MLLT10: variants seen among roughly 807,000 people sequenced by gnomAD.
MLLT10 encodes protein AF-10.
A neutral mutation model predicts 129.1 loss-of-function variants in MLLT10; 30 were observed. The observed-to-expected ratio is 0.23, with a 90% CI of 0.17 to 0.32. The LOEUF is 0.32. Ranked by LOEUF, MLLT10 falls within the 10% of genes least tolerant of loss-of-function variation. MLLT10 has a pLI of 1.00. For missense variants in MLLT10, 1,119 were observed against 1,268.3 expected (o/e 0.88, Z 1.79); for synonymous variants, 490 against 446.4 (o/e 1.10, Z -1.23).
At chr10:21,615,638 C>T (rs2045177217) in intron 7 of MLLT10, among the ~76,000 whole-genome samples, 1 of 151,990 alleles carries the variant, frequency 6.6e-6, no homozygotes, top group Admixed American at 6.6e-5. Context: ...TCATTTTCTG[C>T]TTAATTACTA....
At chr10:21,670,253 T>C (rs928514955) in intron 9 of MLLT10, among the ~76,000 whole-genome samples, 196 bp from the exon 10 acceptor site, 1 of 152,160 alleles carries the variant, frequency 6.6e-6, no homozygotes, top group African/African-American at 2.4e-5. Context: ...CTTTTTCTTT[T>C]CTTTTCTTTT....
chr10:21,591,692 T>C (rs1023305695), intron 4 of MLLT10, among the ~76,000 whole-genome samples: 5 of 152,044 alleles, frequency 3.3e-5, no homozygotes, highest in African/African-American at 9.7e-5. Context: ...AATTTTCTTA[T>C]CAGTAAATTC....
intron 3 of MLLT10, 40 bp downstream of exon 3, chr10:21,538,952 A>G: frequency 6.8e-7 from 1 of 1,463,946 alleles, no homozygotes; most frequent in Non-Finnish European, 9.5e-7. Context: ...TTTAGTGAGT[A>G]GGTTAGGAAA....
intron 11 of MLLT10, among the ~76,000 whole-genome samples, chr10:21,680,152 G>A (rs1021969835): frequency 2.0e-5 from 3 of 151,808 alleles, no homozygotes; most frequent in African/African-American, 7.3e-5. Context: ...TCGTTTGGGT[G>A]GAATAAAAGA....
At chr10:21,615,571 TTTAG>T (rs2045172266) in intron 7 of MLLT10, among the ~76,000 whole-genome samples, 1 of 152,070 alleles carries the variant, frequency 6.6e-6, no homozygotes, top group African/African-American at 2.4e-5. Context: ...TTTTAAGGTC[TTTAG>T]TTAATTGGAT....
chr10:21,657,566 A>G (rs984680032), intron 9 of MLLT10, among the ~76,000 whole-genome samples: 2 of 152,132 alleles, frequency 1.3e-5, no homozygotes, highest in African/African-American at 2.4e-5. Context: ...TCTTTAACAC[A>G]TTACCTTTCA....
At chr10:21,550,310 T>G (rs997654177) in intron 3 of MLLT10, among the ~76,000 whole-genome samples, 2 of 152,164 alleles carry the variant, frequency 1.3e-5, no homozygotes, top group Admixed American at 6.6e-5. Flanking sequence ...CTAATTTCTG[T>G]GCAGCTTCCC....
chr10:21,654,468 A>G (rs2049357157), intron 9 of MLLT10, among the ~76,000 whole-genome samples: 1 of 152,174 alleles, frequency 6.6e-6, no homozygotes, highest in South Asian at 2.1e-4. Flanking sequence ...TTGGTAAAGT[A>G]AGAAGCAATG....
In MLLT10 at chr10:21,708,572, GT is replaced by G. The variant is rs368073882; in HGVS notation, c.1700-5190del. On this transcript the variant is annotated intron_variant, in intron 13 of 22. Transcript: ENST00000307729. Reference sequence around the variant, plus strand: ...TTTGCTCTGTTTTTTTTGTGTGTGTGTTTTTTTTTTACCAGTAAACTGAGTA... The same window carrying G: ...TTTGCTCTGTTTTTTTTGTGTGTGTGTTTTTTTTTACCAGTAAACTGAGTA... 5.0e-4 allele frequency: 448 copies of G among 898,366 alleles called. 1 individual carries two copies. Among genetic ancestry groups the G allele is most frequent in the South Asian group, 2.7e-3 (52 of 19,458 alleles). The allele number at this position is 898,366 out of a possible 1,614,324, so 55.6% of individuals were successfully genotyped here. A position where few individuals can be genotyped will look rare whatever the true frequency, so the allele number is the denominator to read the frequency against.
intron 13 of MLLT10, among the ~76,000 whole-genome samples, chr10:21,704,538 A>G (rs573993194): frequency 1.8e-4 from 26 of 148,182 alleles, no homozygotes; most frequent in Non-Finnish European, 2.7e-4. Context: ...TTTTTCCAAT[A>G]TTTTTAAAAA....
chr10:21,602,745 T>C (rs79786925), intron 5 of MLLT10, among the ~76,000 whole-genome samples: 1 of 152,126 alleles, frequency 6.6e-6, no homozygotes, highest in East Asian at 1.9e-4. Context: ...TTTTTTTTTT[T>C]TGAGACAGTG....
chr10:21,628,302 A>G (rs149151579), intron 8 of MLLT10, among the ~76,000 whole-genome samples: 1 of 152,310 alleles, frequency 6.6e-6, no homozygotes, highest in African/African-American at 2.4e-5. Flanking sequence ...TAAAACTGCA[A>G]TAAACATTTA....
At chr10:21,595,615 A>G (rs2042954290) in intron 5 of MLLT10, 175 bp downstream of exon 5, 2 of 494,096 alleles carry the variant, frequency 4.0e-6, no homozygotes, top group Middle Eastern at 5.2e-4. Context: ...AGGTCACAGG[A>G]GTACAAAGCA....
chr10:21,575,573 T>G (rs750820004), intron 3 of MLLT10, among the ~76,000 whole-genome samples: 16 of 152,216 alleles, frequency 1.1e-4, no homozygotes, highest in Non-Finnish European at 1.5e-5. Flanking sequence ...TTATTTTCAT[T>G]TTATTGTGTC....
intron 3 of MLLT10, among the ~76,000 whole-genome samples, chr10:21,544,283 G>A (rs1035862471): frequency 2.6e-5 from 4 of 152,154 alleles, no homozygotes; most frequent in Admixed American, 2.6e-4. Flanking sequence ...TGTCTCAAAA[G>A]CGAGTAAATT....
chr10:21,628,431 C>CTTTTTT (rs774410121), intron 8 of MLLT10, among the ~76,000 whole-genome samples: 7 of 115,990 alleles, frequency 6.0e-5, no homozygotes, highest in Non-Finnish European at 8.8e-5. Flanking sequence ...GATGCTCTCT[C>CTTTTTT]TTTTTTTTTT....
intron 3 of MLLT10, among the ~76,000 whole-genome samples, chr10:21,571,788 CT>C (rs1156407794): frequency 6.6e-6 from 1 of 152,058 alleles, no homozygotes; most frequent in Non-Finnish European, 1.5e-5. Context: ...TCTTTGTTTT[CT>C]TTTTTCATCT....
chr10:21,651,286 G>C (rs1273746728), intron 8 of MLLT10, among the ~76,000 whole-genome samples: 1 of 152,100 alleles, frequency 6.6e-6, no homozygotes, highest in African/African-American at 2.4e-5. Flanking sequence ...TGGTCAGGCT[G>C]ATCCTAAACT....
intron 12 of MLLT10, among the ~76,000 whole-genome samples, chr10:21,681,720 C>A (rs945202522): frequency 6.6e-6 from 1 of 151,806 alleles, no homozygotes; most frequent in Non-Finnish European, 1.5e-5. Context: ...TATATTTGCA[C>A]TAGGTGGTTT....
Sources: gnomAD v4.1 joint callset for allele counts (sites outside exome capture counted in the v4.1 genomes callset) on GRCh38, gnomAD v4.1.1 for gene constraint, MANE v1.5 for transcripts, NCBI Gene and HGNC (gene_info 2026-07-23, HGNC 2026-07-21) for gene names.